The following CASP6 variants were observed in gnomAD, a reference collection of about 807,000 sequenced individuals.
CASP6 encodes the protein caspase-6.
A neutral mutation model predicts 31.8 loss-of-function variants in CASP6; 20 were observed. The ratio of observed to expected loss-of-function variants is 0.63; its 90% confidence interval spans 0.44 to 0.91. CASP6 has a LOEUF of 0.91. Among genes scored for constraint, CASP6 ranks in the 40% least tolerant of loss-of-function variants. The pLI is 0.00. For missense variants in CASP6, 328 were observed against 361.1 expected (o/e 0.91, Z 0.74); for synonymous variants, 130 against 127.8 (o/e 1.02, Z -0.12).
chr4:109,704,649 C>T (rs1444113635), upstream of CASP6, among the ~76,000 whole-genome samples: 4 of 152,186 alleles, frequency 2.6e-5, no homozygotes, highest in African/African-American at 4.8e-5. Flanking sequence ...CAGGTGCTAA[C>T]GTAGAAGCTG....
chr4:109,691,664 G>A (rs1730060055), intron 5 of CASP6, among the ~76,000 whole-genome samples: 1 of 152,132 alleles, frequency 6.6e-6, no homozygotes, highest in African/African-American at 2.4e-5. Flanking sequence ...GCTGAATTGT[G>A]TTCCCCAAAA....
chr4:109,709,516 C>T, the CASP6 span, among the ~76,000 whole-genome samples: 6 of 152,180 alleles, frequency 3.9e-5, no homozygotes, highest in Admixed American at 6.5e-5. Context: ...ATATCTCAAT[C>T]GTGTCTTCAT....
At chr4:109,702,041 A>G (rs1730435378) in intron 1 of CASP6, among the ~76,000 whole-genome samples, 1 of 152,268 alleles carries the variant, frequency 6.6e-6, no homozygotes, top group Admixed American at 6.5e-5. Flanking sequence ...CAATGTATTT[A>G]GTAACCCTAT....
the CASP6 span, chr4:109,664,422 CT>C: frequency 0.12 from 71,305 of 602,524 alleles, 17 homozygotes; most frequent in East Asian, 0.19. Flanking sequence ...CCAACTATTA[CT>C]TTTTTTTTTT....
At chr4:109,682,543 A>G in the CASP6 span, 2 of 1,552,700 alleles carry the variant, frequency 1.3e-6, no homozygotes, top group East Asian at 2.3e-5. Flanking sequence ...TGCGGGAACA[A>G]TGTGGTGACT....
At chr4:109,685,022 T>C (rs1332395358), downstream of CASP6, 1 of 411,980 alleles carries the variant, frequency 2.4e-6, no homozygotes, top group African/African-American at 2.0e-5. Flanking sequence ...TCTTTCCCAT[T>C]ATGTGTAATT....
At chr4:109,695,380 C>T (rs1204650674) in intron 4 of CASP6, among the ~76,000 whole-genome samples, 1 of 152,160 alleles carries the variant, frequency 6.6e-6, no homozygotes, top group Non-Finnish European at 1.5e-5. Context: ...CTTGAATCAG[C>T]AGAGACCTTA....
At chr4:109,709,503 C>A in the CASP6 span, among the ~76,000 whole-genome samples, 52 of 152,232 alleles carry the variant, frequency 3.4e-4, no homozygotes, top group Non-Finnish European at 6.6e-4. Flanking sequence ...CTGGTTTGCC[C>A]TCATATCTCA....
chr4:109,697,830 G>C, intron 2 of CASP6, 62 bp from the exon 3 acceptor site: 1 of 1,556,578 alleles, frequency 6.4e-7, no homozygotes, highest in Non-Finnish European at 8.7e-7. Context: ...GCCCCTCCAA[G>C]TTCTAGGTCA....
chr4:109,695,330 C>A (rs923116439), intron 4 of CASP6, among the ~76,000 whole-genome samples: 2 of 152,138 alleles, frequency 1.3e-5, no homozygotes, highest in Non-Finnish European at 2.9e-5. Flanking sequence ...GGGAATCTCA[C>A]TTAAGATCCA....
intron 1 of CASP6, among the ~76,000 whole-genome samples, chr4:109,701,665 T>A (rs749849982): frequency 3.0e-4 from 45 of 152,258 alleles, no homozygotes; most frequent in Non-Finnish European, 6.2e-4. Context: ...GCTTAGGTTT[T>A]ACAAAACTAA....
chr4:109,685,337 A>T (rs771070654), downstream of CASP6: 2 of 1,569,232 alleles, frequency 1.3e-6, no homozygotes, highest in South Asian at 2.2e-5. Flanking sequence ...ATGTGCAGCA[A>T]TACAACAAGT....
chr4:109,681,602 T>A, the CASP6 span: 1 of 304,706 alleles, frequency 3.3e-6, no homozygotes, highest in Non-Finnish European at 6.6e-6. Context: ...AAGTCGTGGG[T>A]CACGGAAGAC....
intron 5 of CASP6, 71 bp downstream of exon 5, chr4:109,694,454 G>A: frequency 2.2e-6 from 3 of 1,341,884 alleles, no homozygotes; most frequent in Non-Finnish European, 3.0e-6. Flanking sequence ...TTCAAAACTG[G>A]CTTTTAGACC....
the CASP6 span, among the ~76,000 whole-genome samples, chr4:109,666,765 C>T: frequency 6.6e-6 from 1 of 152,092 alleles, no homozygotes; most frequent in Non-Finnish European, 1.5e-5. Flanking sequence ...GAGGAAATTG[C>T]CCTCTGTTCC....
chr4:109,679,014 G>C, the CASP6 span, among the ~76,000 whole-genome samples: 2 of 150,784 alleles, frequency 1.3e-5, no homozygotes, highest in African/African-American at 4.9e-5. Context: ...CCTAGATGGG[G>C]TGGCAGCTGG....
the CASP6 span, among the ~76,000 whole-genome samples, chr4:109,675,422 T>G: frequency 6.6e-6 from 1 of 152,216 alleles, no homozygotes; most frequent in Non-Finnish European, 1.5e-5. Context: ...CCACACACAC[T>G]AAGAGAGTTG....
chr4:109,700,407 G>A (rs565942831), intron 1 of CASP6, among the ~76,000 whole-genome samples: 2 of 152,032 alleles, frequency 1.3e-5, no homozygotes, highest in Non-Finnish European at 2.9e-5. Flanking sequence ...CTATAGTCCC[G>A]GTTACCTGGA....
upstream of CASP6, chr4:109,703,521 G>T: frequency 4.1e-6 from 5 of 1,226,494 alleles, no homozygotes; most frequent in Non-Finnish European, 5.6e-6. Flanking sequence ...GGGGCCAGTT[G>T]GTTCTGATTG....
Sources: gnomAD v4.1 joint callset for allele counts (sites outside exome capture counted in the v4.1 genomes callset) on GRCh38, gnomAD v4.1.1 for gene constraint, MANE v1.5 for transcripts, NCBI Gene and HGNC (gene_info 2026-07-23, HGNC 2026-07-21) for gene names.